Variants in CLIC5 observed in about 807,000 individuals in gnomAD.
CLIC5 encodes chloride intracellular channel protein 5.
In CLIC5, 20 loss-of-function variants were observed where a neutral mutation model predicts 24.7. That is an observed-to-expected ratio of 0.81 (90% confidence interval 0.57 to 1.18). CLIC5 has a LOEUF of 1.18. Among genes scored for constraint, CLIC5 ranks in the 50% most tolerant of loss-of-function variants. The pLI is 0.00. For synonymous variants in CLIC5, 159 were observed against 135.6 expected (o/e 1.17, Z -1.20); for missense variants, 341 against 326.1 (o/e 1.05, Z -0.35).
In CLIC5 at chr6:46,000,838, G is replaced by A. The variant is rs535783853; in HGVS notation, c.63+14642C>T. ...ACACATGGGGATTATTACAATTCAAGGTGAGATTTGGGTGGGGATGCAGAG... is the reference window on the plus strand; with the variant it reads ...ACACATGGGGATTATTACAATTCAAAGTGAGATTTGGGTGGGGATGCAGAG... On this transcript the variant is annotated intron_variant, in intron 1 of 5. Transcript: ENST00000339561. 3.9e-5 allele frequency among the ~76,000 whole-genome samples: 6 copies of A among 152,252 alleles called. No homozygotes were observed. In the East Asian group the frequency reaches 1.2e-3, roughly 29 times the overall value.
exon 1 of CLIC5, chr6:46,080,343 G>A: frequency 1.0e-6 from 1 of 990,706 alleles, no homozygotes; most frequent in Non-Finnish European, 1.5e-6. Flanking sequence ...GAATCAACGA[G>A]CTCTTAAAAG....
intron 1 of CLIC5, among the ~76,000 whole-genome samples, chr6:46,045,365 T>C (rs959297238): frequency 7.2e-5 from 11 of 152,224 alleles, no homozygotes; most frequent in South Asian, 2.1e-4. Flanking sequence ...ATTATTTTTC[T>C]TGCTTCCTTT....
intron 4 of CLIC5, among the ~76,000 whole-genome samples, chr6:45,919,869 C>T (rs191176600): frequency 6.6e-6 from 1 of 152,128 alleles, no homozygotes; most frequent in Non-Finnish European, 1.5e-5. Flanking sequence ...ATTAGAATCA[C>T]GTACTCAGAG....
At chr6:45,908,157 T>TTTG (rs960286709) in intron 5 of CLIC5, among the ~76,000 whole-genome samples, 20 of 152,128 alleles carry the variant, frequency 1.3e-4, no homozygotes, top group Non-Finnish European at 2.4e-4. Flanking sequence ...GATTTTCTTT[T>TTTG]TTGTTGTTGT....
chr6:45,929,506 C>A (rs1369592579), intron 4 of CLIC5, among the ~76,000 whole-genome samples: 2 of 152,242 alleles, frequency 1.3e-5, no homozygotes, highest in Non-Finnish European at 2.9e-5. Context: ...AAACAAAATA[C>A]CCCTAGTTGG....
chr6:46,030,582 A>T (rs906526810), intron 1 of CLIC5, among the ~76,000 whole-genome samples: 1 of 152,148 alleles, frequency 6.6e-6, no homozygotes, highest in Non-Finnish European at 1.5e-5. Flanking sequence ...AGAATGATGT[A>T]CTAGGTTGGG....
chr6:46,020,001 A>T (rs1044796847), upstream of CLIC5, among the ~76,000 whole-genome samples: 8 of 152,056 alleles, frequency 5.3e-5, no homozygotes, highest in Admixed American at 1.3e-4. Context: ...TCTTTTGGTA[A>T]TTTATAGCAC....
At chr6:45,964,734 G>A (rs1045771943) in intron 1 of CLIC5, among the ~76,000 whole-genome samples, 6 of 152,186 alleles carry the variant, frequency 3.9e-5, no homozygotes, top group Non-Finnish European at 8.8e-5. Context: ...ATCTAGTGAA[G>A]TAAAATTAGC....
upstream of CLIC5, among the ~76,000 whole-genome samples, chr6:46,085,088 C>A (rs573526073): frequency 6.6e-6 from 1 of 152,336 alleles, no homozygotes; most frequent in South Asian, 2.1e-4. Context: ...CTTCTGCATT[C>A]TTCACGTAGT....
upstream of CLIC5, chr6:46,080,456 A>C (rs1262705100): frequency 5.5e-6 from 3 of 549,010 alleles, no homozygotes; most frequent in Non-Finnish European, 9.7e-6. Flanking sequence ...TAAAGCTTAC[A>C]CACTCAGTTA....
intron 3 of CLIC5, among the ~76,000 whole-genome samples, chr6:45,943,511 TC>T (rs1045468250): frequency 3.5e-4 from 54 of 152,356 alleles, no homozygotes; most frequent in African/African-American, 1.3e-3. Context: ...ATTTTGGCCT[TC>T]TCACATAGAA....
At chr6:45,980,972 CTGTTT>C (rs1300536037) in intron 1 of CLIC5, among the ~76,000 whole-genome samples, 1 of 151,958 alleles carries the variant, frequency 6.6e-6, no homozygotes, top group Non-Finnish European at 1.5e-5. Flanking sequence ...TTTTCATTTT[CTGTTT>C]TGTTTTGTTT....
chr6:45,883,444 T>C (rs1319106427), intron 6 of CLIC5, among the ~76,000 whole-genome samples: 1 of 152,132 alleles, frequency 6.6e-6, no homozygotes, highest in East Asian at 1.9e-4. Context: ...AAGTAGAGCA[T>C]GGGAGGATGA....
At chr6:45,884,931 A>G (rs1762292051) in intron 6 of CLIC5, among the ~76,000 whole-genome samples, 1 of 68,164 alleles carries the variant, frequency 1.5e-5, no homozygotes, top group African/African-American at 6.4e-5. Context: ...GTAAACTGTC[A>G]AGAGTACATA....
chr6:46,062,810 G>A (rs1432408845), intron 1 of CLIC5, among the ~76,000 whole-genome samples: 1 of 152,166 alleles, frequency 6.6e-6, no homozygotes, highest in Non-Finnish European at 1.5e-5. Context: ...TGGAGAATGG[G>A]ACTTCATTTT....
At chr6:46,006,067 A>AATACATATAT (rs1554160649) in intron 1 of CLIC5, among the ~76,000 whole-genome samples, 1 of 119,542 alleles carries the variant, frequency 8.4e-6, no homozygotes, top group Non-Finnish European at 1.7e-5. Flanking sequence ...TACATGTATA[A>AATACATATAT]ATATATATAT....
intron 1 of CLIC5, among the ~76,000 whole-genome samples, chr6:46,067,282 G>T (rs1762469213): frequency 6.6e-6 from 1 of 151,946 alleles, no homozygotes; most frequent in Non-Finnish European, 1.5e-5. Flanking sequence ...CGTTCCCCAA[G>T]GAGCTGATAG....
upstream of CLIC5, among the ~76,000 whole-genome samples, chr6:46,085,290 C>T (rs145801575): frequency 0.016 from 2,468 of 152,302 alleles, 27 homozygotes; most frequent in Non-Finnish European, 0.021. Context: ...AGTCATTCTC[C>T]GTCCAGCTTT....
chr6:45,884,186 C>G (rs1007374110), intron 6 of CLIC5, among the ~76,000 whole-genome samples: 1 of 152,162 alleles, frequency 6.6e-6, no homozygotes, highest in Non-Finnish European at 1.5e-5. Flanking sequence ...CTGTTTGCTG[C>G]CTCACACTGA....
Sources: allele counts gnomAD v4.1 joint callset (sites outside exome capture counted in the v4.1 genomes callset), GRCh38; gene constraint gnomAD v4.1.1; transcripts MANE v1.5; gene names NCBI Gene and HGNC (gene_info 2026-07-23, HGNC 2026-07-21).